UQCRC1: variants seen among roughly 807,000 people sequenced by gnomAD.
UQCRC1 encodes ubiquinol-cytochrome c reductase core protein 1, also known as cytochrome b-c1 complex subunit 1, mitochondrial.
UQCRC1 carries 34 observed loss-of-function variants against 58.0 expected under a neutral mutation model. That is an observed-to-expected ratio of 0.59 (90% CI 0.45 to 0.78). The LOEUF (loss-of-function observed/expected upper bound fraction) is 0.78, where lower values mean the gene tolerates loss of function less well. Ranked by LOEUF, UQCRC1 falls within the 30% of genes least tolerant of loss-of-function variation. UQCRC1 has a pLI of 0.00. For missense variants in UQCRC1, 610 were observed against 646.0 expected (o/e 0.94, Z 0.60); for synonymous variants, 276 against 248.8 (o/e 1.11, Z -1.03).
chr3:48,609,239 C>G lies in UQCRC1; in HGVS notation c.133G>C (p.Val45Leu). Residue 45 changes from valine (V) to leucine (L), a missense_variant, in exon 2 of 13, where the codon GTG becomes CTG. Val to Leu is a conservative substitution (Grantham distance 32). Transcript: ENST00000203407. Reference protein sequence around the residue: ...TATFAQALQFVPETQVSLLDN... With the variant: ...TATFAQALQFLPETQVSLLDN... ...AGCAGGCTAACCTGCGTCTCCGGCA[C>G]GAACTGGAGCGCCTGAGCGAAGGTT... is the stretch of plus-strand genomic sequence containing the variant. 6.2e-7 allele frequency: 1 copy of G among 1,612,886 alleles called. No individual in the cohort carries two copies. The highest frequency in any genetic ancestry group is 8.5e-7 in the Non-Finnish European group (1 of 1,179,754).
At position 48,601,371 on chromosome 3, in the gene UQCRC1, C is replaced by T; in HGVS notation, c.803G>A (p.Cys268Tyr). Residue 268 changes from cysteine to tyrosine, a missense_variant, in exon 7 of 13, where the codon TGC (cysteine) becomes TAC (tyrosine). Cys to Tyr is a radical substitution (Grantham distance 194, BLOSUM62 -2). Transcript: ENST00000203407. ...GCATACCTCACTGCCAGTGAAGCGG[C>T]ATGGAGTAAGAGTGGGCACAGCGTC... ...AEDAVPTLTPCRFTGSEIRHR... is the reference protein window; with the variant it reads ...AEDAVPTLTPYRFTGSEIRHR... 6.2e-7 allele frequency: 1 copy of T among 1,614,184 alleles called. No individual in the cohort carries two copies. Among genetic ancestry groups the T allele is most frequent in the Non-Finnish European group, 8.5e-7 (1 of 1,180,034 alleles).
rs755494537 is a variant in UQCRC1 at position 48,600,607 on chromosome 3, G to T, written c.1128-40C>A. 3.1e-6 allele frequency: 5 copies of T among 1,614,102 alleles called. No homozygotes were observed. In the South Asian group the frequency reaches 5.5e-5, roughly 18 times the overall value. On this transcript the variant is annotated intron_variant, in intron 9 of 12. Transcript: ENST00000203407. ...TGGGTGGTATTCATTCTGAGCCAGTGTGTCATCTCTCAGCCTCCCACTGTG... is the reference window on the plus strand; with the variant it reads ...TGGGTGGTATTCATTCTGAGCCAGTTTGTCATCTCTCAGCCTCCCACTGTG...
intron 10 of UQCRC1, 112 bp downstream of exon 10, chr3:48,600,370 G>A (rs530620760): frequency 2.2e-6 from 3 of 1,346,146 alleles, no homozygotes; most frequent in Admixed American, 1.8e-5. Flanking sequence ...GGGGCATGGC[G>A]TGGTCTTCAA....
rs773011997 is a variant in UQCRC1, at chr3:48,600,482, C to T, written c.1213G>A (p.Gly405Ser). The change falls in exon 10 of 13, where the codon GGC (glycine) becomes AGC (serine). Residue 405 changes from glycine (G) to serine (S), a missense_variant and splice_region_variant. Transcript: ENST00000203407. ...CTCCCCGCTGAGCTGTAGGACTCACCATCTAGATGAGATACCAGGGCATTT... is the reference window on the plus strand; with the variant it reads ...CTCCCCGCTGAGCTGTAGGACTCACTATCTAGATGAGATACCAGGGCATTT... The part of the protein sequence containing the change: ...LRNALVSHLD[G>S]TTPVCEDIGR... The T allele has an allele frequency of 2.5e-6, 4 of 1,614,132 alleles. No homozygotes were observed. The highest frequency in any genetic ancestry group is 3.4e-6 in the Non-Finnish European group (4 of 1,180,014).
intron 1 of UQCRC1, 67 bp from the exon 2 acceptor site, chr3:48,609,369 A>C: frequency 1.9e-6 from 3 of 1,559,070 alleles, no homozygotes; most frequent in African/African-American, 1.4e-5. Context: ...CCAGGTCCTC[A>C]GGAGGACCCC....
At chr3:48,600,456 C>T (rs978362081) in intron 10 of UQCRC1, 26 bp downstream of exon 10, 2 of 1,613,566 alleles carry the variant, frequency 1.2e-6, no homozygotes, top group African/African-American at 1.3e-5. Flanking sequence ...GTACTCTACC[C>T]CTCCCCGCTG....
In UQCRC1 at chr3:48,604,742, C is replaced by T; in HGVS notation, c.336G>A (p.Glu112=). Residue 112 remains glutamate (E), a synonymous_variant, in exon 4 of 13, where the codon GAG becomes GAA. Coordinates refer to ENST00000203407, the MANE Select transcript of UQCRC1 (RefSeq NM_003365.3). ...KNRPGSALEK[E]VESMGAHLNA... ...TAAGATGGGCCCCCATGCTCTCCAC[C>T]TCCTTCTCCAGGGCACTGCCAGGCC... 1 of 1,614,172 alleles carries T rather than the reference C, an allele frequency of 6.2e-7. No individual in the cohort carries two copies. Among genetic ancestry groups the T allele is most frequent in the Non-Finnish European group, 8.5e-7 (1 of 1,180,026 alleles).
chr3:48,604,174 A>AG, intron 5 of UQCRC1, 59 bp downstream of exon 5: 1 of 1,565,214 alleles, frequency 6.4e-7, no homozygotes, highest in Non-Finnish European at 8.7e-7. Flanking sequence ...TGACCTGGAA[A>AG]GGGTCTGGCC....
intron 6 of UQCRC1, 57 bp from the exon 7 acceptor site, chr3:48,601,524 G>A (rs1163654268): frequency 6.5e-7 from 1 of 1,535,414 alleles, no homozygotes; most frequent in African/African-American, 1.4e-5. Context: ...ACAGGGTGGG[G>A]CGATTCACAG....
At chr3:48,607,925 A>G (rs2046429274) in intron 2 of UQCRC1, among the ~76,000 whole-genome samples, 1 of 152,116 alleles carries the variant, frequency 6.6e-6, no homozygotes, top group Non-Finnish European at 1.5e-5. Flanking sequence ...CCCGGGTTCA[A>G]GCGATTCTCT....
In UQCRC1 at chr3:48,600,562, C is replaced by G. The variant is rs762806342; in HGVS notation, c.1133G>C (p.Arg378Pro). ...MMFVLQGQWM[R>P]LCTSATESEV... ...ACTCTCCGTGGCACTGGTACACAGG[C>G]GCATCCTAAAGTGGGGGGGTGGGTG... Residue 378 changes from arginine to proline, a missense_variant, in exon 10 of 13, where the codon CGC (arginine) becomes CCC (proline). Physicochemically the swap from Arg to Pro is moderately radical, Grantham distance 103. Coordinates refer to ENST00000203407, the MANE Select transcript of UQCRC1 (RefSeq NM_003365.3). The G allele has an allele frequency of 6.2e-7, 1 of 1,613,936 alleles. No individual in the cohort carries two copies. The highest frequency in any genetic ancestry group is 8.5e-7 in the Non-Finnish European group (1 of 1,180,006).
At position 48,609,297 on chromosome 3, in the gene UQCRC1, G is replaced by C. The variant is rs754660205; in HGVS notation, c.75C>G (p.Ala25=). 6.2e-7 allele frequency: 1 copy of C among 1,607,918 alleles called. No homozygotes were observed. The highest frequency in any genetic ancestry group is 1.7e-5 in the Admixed American group (1 of 59,830). ...QVLLRARRSP[A]LLRTPALRST... ...TCCGCAAGGCTGGCGTCCGCAGCAG[G>C]GCCGGCTGTGGAAGGGAACAGCCGC... Residue 25 remains alanine (A), a synonymous_variant, in exon 2 of 13, where the codon GCC becomes GCG. Transcript: ENST00000203407.
intron 12 of UQCRC1, 97 bp downstream of exon 12, chr3:48,599,538 T>C: frequency 1.5e-6 from 2 of 1,371,228 alleles, no homozygotes; most frequent in Non-Finnish European, 2.1e-6. Context: ...CTGGCTGCTC[T>C]GTAAGCTGAG....
rs2046349547 is a variant in UQCRC1, at chr3:48,600,069, C to G, written c.1296G>C (p.Arg432=). ...TCCCAGGGGTCCATGTTACCGCAAT[C>G]CGGCTTTCCCATTCAGCCAGGGGGA... The part of the protein sequence containing the change: ...RRIPLAEWES[R]IAEVDASVVR... Residue 432 remains arginine, a synonymous_variant, in exon 11 of 13, where the codon CGG becomes CGC. Transcript: ENST00000203407. The G allele has an allele frequency of 1.2e-6, 2 of 1,614,064 alleles. No individual in the cohort carries two copies. The highest frequency in any genetic ancestry group is 1.3e-5 in the African/African-American group (1 of 74,944).
rs1468063250 is a variant in UQCRC1, at chr3:48,604,790, G to C, written c.298-10C>G. ...GCCGATTCTTTGTTCCCTGGAACCA[G>C]ATATCAACCAGAACAATCAGGAGCT... On this transcript the variant is annotated splice_polypyrimidine_tract_variant and intron_variant, in intron 3 of 12. Transcript: ENST00000203407. 5.6e-6 allele frequency: 9 copies of C among 1,613,876 alleles called. No individual in the cohort carries two copies. Among genetic ancestry groups the C allele is most frequent in the African/African-American group, 1.3e-5 (1 of 75,034 alleles).
At chr3:48,599,949 AG>A in intron 11 of UQCRC1, 113 bp downstream of exon 11, 7 of 1,333,798 alleles carry the variant, frequency 5.2e-6, no homozygotes, top group Non-Finnish European at 7.3e-6. Context: ...ACAGCTGCCT[AG>A]GACACCAGGG....
At position 48,603,935 on chromosome 3, in the gene UQCRC1, T is replaced by C. The variant is rs114461058; in HGVS notation, c.627-292A>G. 558 of 582,788 alleles carry C rather than the reference T, an allele frequency of 9.6e-4. 1 individual carries two copies. Among genetic ancestry groups the C allele is most frequent in the African/African-American group, 9.1e-3 (489 of 53,646 alleles). The allele number at this position is 582,788 out of a possible 1,614,324, so 36.1% of individuals were successfully genotyped here. Reference sequence around the variant, plus strand: ...ACTCTCAAAAGGGCAGCATCAAAGCTCCCGGAGCCATCCACAAAGGAGACA... The same window carrying C: ...ACTCTCAAAAGGGCAGCATCAAAGCCCCCGGAGCCATCCACAAAGGAGACA... On this transcript the variant is annotated intron_variant, in intron 5 of 12. Coordinates refer to ENST00000203407, the MANE Select transcript of UQCRC1 (RefSeq NM_003365.3).
At chr3:48,601,253 C>G (rs1350375124) in intron 7 of UQCRC1, 99 bp downstream of exon 7, 9 of 1,544,438 alleles carry the variant, frequency 5.8e-6, no homozygotes, top group Non-Finnish European at 7.0e-6. Context: ...CCCTTCCCAA[C>G]TGCTGAGGTA....
Position 48,600,682 on chromosome 3 carries a change from C to G in UQCRC1, c.1125G>C (p.Gln375His). ...IDDMMFVLQG[Q>H]WMRLCTSATE... is the part of the protein sequence containing the mutation. The stretch of plus-strand genomic sequence containing the variant: ...AGGAATACCAGGCTGCCACTTACCA[C>G]TGCCCTTGCAGGACGAACATCATGT... The change falls in exon 9 of 13, where the codon CAG becomes CAC. Residue 375 changes from glutamine (Q) to histidine (H), a missense_variant and splice_region_variant. Transcript: ENST00000203407. 6.2e-7 allele frequency: 1 copy of G among 1,614,200 alleles called. No homozygotes were observed. Among genetic ancestry groups the G allele is most frequent in the Non-Finnish European group, 8.5e-7 (1 of 1,180,036 alleles).
Sources: gnomAD v4.1 joint callset for allele counts (sites outside exome capture counted in the v4.1 genomes callset) on GRCh38, gnomAD v4.1.1 for gene constraint, MANE v1.5 for transcripts, NCBI Gene and HGNC (gene_info 2026-07-23, HGNC 2026-07-21) for gene names.